CPQ: variants seen among roughly 807,000 people sequenced by gnomAD.
CPQ encodes the protein Ser-Met dipeptidase.
CPQ carries 37 observed loss-of-function variants against 45.7 expected under a neutral mutation model. The ratio of observed to expected loss-of-function variants is 0.81; its 90% CI spans 0.62 to 1.07. The LOEUF is 1.07. Among genes scored for constraint, CPQ ranks in the 50% least tolerant of loss-of-function variants. The probability of loss-of-function intolerance (pLI) is 0.00; values close to 1 mark genes in which losing one functional copy is unlikely to be tolerated. For synonymous variants in CPQ, 186 were observed against 205.8 expected (o/e 0.90, Z 0.82); for missense variants, 537 against 572.9 (o/e 0.94, Z 0.64).
chr8:97,054,217 A>G (rs2130510494), intron 6 of CPQ, among the ~76,000 whole-genome samples: 1 of 152,320 alleles, frequency 6.6e-6, no homozygotes, highest in South Asian at 2.1e-4. Flanking sequence ...TAAAAACCAC[A>G]ATGAGATACC....
chr8:96,891,317 C>T (rs1812372095), intron 4 of CPQ, among the ~76,000 whole-genome samples: 1 of 152,156 alleles, frequency 6.6e-6, no homozygotes, highest in Non-Finnish European at 1.5e-5. Flanking sequence ...TGGAAAAGGT[C>T]CAATATAATC....
At chr8:96,957,195 G>A (rs957674171) in intron 4 of CPQ, among the ~76,000 whole-genome samples, 1 of 152,198 alleles carries the variant, frequency 6.6e-6, no homozygotes, top group African/African-American at 2.4e-5. Flanking sequence ...TGAGGTGATT[G>A]ACTTCTGACT....
At chr8:96,726,307 A>G (rs2130766730) in intron 1 of CPQ, among the ~76,000 whole-genome samples, 1 of 152,284 alleles carries the variant, frequency 6.6e-6, no homozygotes, top group Non-Finnish European at 1.5e-5. Context: ...GAATTAATGG[A>G]TTAATGGTAT....
At chr8:97,140,376 G>A (rs2130633301) in intron 7 of CPQ, among the ~76,000 whole-genome samples, 1 of 149,524 alleles carries the variant, frequency 6.7e-6, no homozygotes, top group East Asian at 2.0e-4. Flanking sequence ...ATAAAAAAAA[G>A]AAGGAAAACC....
rs867923877 is a variant in CPQ at position 97,034,400 on chromosome 8, A to C, written c.1053+4906A>C. Among the ~76,000 whole-genome samples, 4 of 152,202 alleles carry C rather than the reference A, an allele frequency of 2.6e-5. No homozygotes were observed. The South Asian group carries it at 6.2e-4, about 24-fold the overall frequency. On this transcript the variant is annotated intron_variant, in intron 6 of 7. Coordinates refer to ENST00000220763, the MANE Select transcript of CPQ (RefSeq NM_016134.4). ...GTTCACATGTTTCAATAAGTTGTTA[A>C]ATTTTCTCTCCTTATTTTAAAGTCC... is the stretch of plus-strand genomic sequence containing the variant.
intron 3 of CPQ, among the ~76,000 whole-genome samples, chr8:96,839,737 T>C (rs1811581856): frequency 6.6e-6 from 1 of 152,118 alleles, no homozygotes; most frequent in South Asian, 2.1e-4. Flanking sequence ...GGTAAGAACA[T>C]GTAAGTGATT....
At chr8:96,679,860 A>C (rs906145356) in intron 1 of CPQ, among the ~76,000 whole-genome samples, 3 of 151,780 alleles carry the variant, frequency 2.0e-5, no homozygotes, top group Non-Finnish European at 2.9e-5. Flanking sequence ...TTATATTTTC[A>C]AAAACCAACT....
intron 1 of CPQ, among the ~76,000 whole-genome samples, chr8:96,769,324 A>G (rs1013242660): frequency 6.6e-6 from 1 of 152,018 alleles, no homozygotes; most frequent in Non-Finnish European, 1.5e-5. Flanking sequence ...CCTCAGAATC[A>G]CTCATTCCTA....
chr8:96,718,736 T>C (rs996553701), intron 1 of CPQ, among the ~76,000 whole-genome samples: 5 of 152,100 alleles, frequency 3.3e-5, no homozygotes, highest in Non-Finnish European at 5.9e-5. Context: ...AGGGCGCTGA[T>C]TGGTGCGTTT....
chr8:97,039,913 T>C (rs1810084747), intron 6 of CPQ, among the ~76,000 whole-genome samples: 1 of 152,024 alleles, frequency 6.6e-6, no homozygotes, highest in East Asian at 1.9e-4. Context: ...TCCAAGTCTT[T>C]GCTATTGTGA....
At chr8:96,800,619 A>C (rs992967336) in intron 2 of CPQ, among the ~76,000 whole-genome samples, 2 of 152,166 alleles carry the variant, frequency 1.3e-5, no homozygotes, top group African/African-American at 4.8e-5. Flanking sequence ...GGACTATGAC[A>C]AAACAGTTGG....
At chr8:97,040,496 T>C (rs192252513) in intron 6 of CPQ, among the ~76,000 whole-genome samples, 2,874 of 152,170 alleles carry the variant, frequency 0.019, 96 homozygotes, top group African/African-American at 0.066. Flanking sequence ...AATTAGATCC[T>C]ATTTGTCAAT....
intron 2 of CPQ, among the ~76,000 whole-genome samples, chr8:96,829,258 C>A (rs937844871): frequency 2.0e-5 from 3 of 152,044 alleles, no homozygotes; most frequent in Admixed American, 6.6e-5. Flanking sequence ...GGGGTCTGGG[C>A]TCTCTCACAA....
chr8:97,023,016 T>TATATATACAGTATATATATACTATATAC (rs1554584143), intron 5 of CPQ, among the ~76,000 whole-genome samples: 1 of 133,652 alleles, frequency 7.5e-6, no homozygotes, highest in Non-Finnish European at 1.6e-5. Flanking sequence ...ATACTATATA[T>TATATATACAGTATATATATACTATATAC]AGTATATATA....
At position 96,696,004 on chromosome 8, in the gene CPQ, T is replaced by C. The variant is rs1396014314; in HGVS notation, c.-35+50602T>C. On this transcript the variant is annotated intron_variant, in intron 1 of 7. Coordinates refer to ENST00000220763, the MANE Select transcript of CPQ (RefSeq NM_016134.4). ...GACACATGCACACGTATGTTTATTG[T>C]GGCATTATTCACAATAGCAAAGACT... Among the ~76,000 whole-genome samples the C allele has an allele frequency of 5.2e-3, 764 of 147,240 alleles. 7 individuals are homozygous for C. The highest frequency in any genetic ancestry group is 0.02 in the African/African-American group (734 of 37,078).
chr8:96,677,016 A>G (rs1277129501), intron 1 of CPQ, among the ~76,000 whole-genome samples: 3 of 152,068 alleles, frequency 2.0e-5, no homozygotes, highest in Non-Finnish European at 4.4e-5. Context: ...GTTCATTTTT[A>G]TGGCTGAGTA....
At chr8:96,760,136 G>A (rs1279714330) in intron 1 of CPQ, among the ~76,000 whole-genome samples, 1 of 152,206 alleles carries the variant, frequency 6.6e-6, no homozygotes, top group Admixed American at 6.5e-5. Flanking sequence ...GGCTGTTCCA[G>A]TTCTCATGAT....
At chr8:96,758,650 A>G (rs1810357973) in intron 1 of CPQ, among the ~76,000 whole-genome samples, 1 of 152,180 alleles carries the variant, frequency 6.6e-6, no homozygotes, top group Non-Finnish European at 1.5e-5. Context: ...AAGTCCAACC[A>G]TTAGTCTGTT....
chr8:96,782,015 G>T (rs528919455), intron 1 of CPQ, among the ~76,000 whole-genome samples: 4 of 152,294 alleles, frequency 2.6e-5, no homozygotes, highest in Admixed American at 6.5e-5. Flanking sequence ...GGAGAGCCCT[G>T]CACCTATGGC....
Sources: gnomAD v4.1 joint callset for allele counts (sites outside exome capture counted in the v4.1 genomes callset) on GRCh38, gnomAD v4.1.1 for gene constraint, MANE v1.5 for transcripts, NCBI Gene and HGNC (gene_info 2026-07-23, HGNC 2026-07-21) for gene names.